Variants in RNPC3 observed in about 807,000 individuals in gnomAD.
RNPC3 encodes RNA-binding region-containing protein 3.
In RNPC3, 48 loss-of-function variants were observed where a neutral mutation model predicts 67.5. That is an observed-to-expected ratio of 0.71 (90% CI 0.56 to 0.90). RNPC3 has a LOEUF of 0.90. Ranked by LOEUF, RNPC3 falls within the 40% of genes least tolerant of loss-of-function variation. RNPC3 has a pLI of 0.00. For synonymous variants in RNPC3, 239 were observed against 210.3 expected (o/e 1.14, Z -1.18); for missense variants, 637 against 626.1 (o/e 1.02, Z -0.19).
chr1:103,544,043 A>G (rs931905885), intron 9 of RNPC3, among the ~76,000 whole-genome samples: 12 of 151,834 alleles, frequency 7.9e-5, no homozygotes, highest in African/African-American at 2.9e-4. Flanking sequence ...ATACAAGTTG[A>G]TAGAAATGTA....
chr1:103,549,155 A>G (rs1261977461), intron 12 of RNPC3, among the ~76,000 whole-genome samples: 2 of 152,198 alleles, frequency 1.3e-5, no homozygotes, highest in Non-Finnish European at 2.9e-5. Flanking sequence ...TGGAGTTAGA[A>G]TTTCATTCTT....
At chr1:103,537,231 T>TAAAA in intron 6 of RNPC3, 111 bp from the exon 7 acceptor site, 2 of 643,188 alleles carry the variant, frequency 3.1e-6, no homozygotes, top group Admixed American at 7.4e-5. Context: ...TAGAATGTGT[T>TAAAA]AAAAAAAAAA....
At chr1:103,550,289 G>T (rs143217868) in intron 12 of RNPC3, among the ~76,000 whole-genome samples, 76 of 151,836 alleles carry the variant, frequency 5.0e-4, no homozygotes, top group African/African-American at 1.8e-3. Context: ...AATCACTTGA[G>T]CAGATAGTGC....
chr1:103,549,749 G>GCTAT (rs1484770218), intron 12 of RNPC3, among the ~76,000 whole-genome samples: 5 of 152,150 alleles, frequency 3.3e-5, no homozygotes, highest in African/African-American at 1.2e-4. Context: ...TTAGATCTTA[G>GCTAT]CTATCTGCTT....
In RNPC3 at chr1:103,546,258, A is replaced by G. The variant is rs906488630; in HGVS notation, c.1218A>G (p.Thr406=). ...TTGTTTTTTAATAAGAAATGGAAAC[A>G]CTTTCAGTTTTCAGAAGTTATGAAC... ...KGRISREEME[T]LSVFRSYEPG... is the part of the protein sequence containing the mutation. Residue 406 remains threonine (T), a synonymous_variant, in exon 11 of 15, where the codon ACA becomes ACG. Transcript: ENST00000423855. 55 of 1,398,270 alleles carry G rather than the reference A, an allele frequency of 3.9e-5. 1 individual carries two copies. The East Asian group carries it at 1.4e-3, about 37-fold the overall frequency. The allele number at this position is 1,398,270 out of a possible 1,614,324, so 86.6% of individuals were successfully genotyped here.
In RNPC3 at chr1:103,526,197, A is replaced by G. The variant is rs1266656870; in HGVS notation, c.127A>G (p.Lys43Glu). 2 of 1,551,288 alleles carry G rather than the reference A, an allele frequency of 1.3e-6. No homozygotes were observed. The highest frequency in any genetic ancestry group is 2.0e-5 in the Admixed American group (1 of 50,936). ...HLPAELTAEE[K>E]EDLLKYFGAQ... ...GCCGGCTGAGCTTACTGCTGAGGAG[A>G]AAGAGGACTTGCTGAAGTACTTCGG... The change falls in exon 1 of 15, where the codon AAA becomes GAA. Residue 43 changes from lysine (K) to glutamate (E), a missense_variant. Coordinates refer to ENST00000423855, the MANE Select transcript of RNPC3 (RefSeq NM_017619.4).
intron 7 of RNPC3, among the ~76,000 whole-genome samples, chr1:103,539,510 C>G (rs1281058109): frequency 6.6e-6 from 1 of 152,194 alleles, no homozygotes; most frequent in Non-Finnish European, 1.5e-5. Context: ...CCTCTGTGAA[C>G]TTCACTTTCT....
At chr1:103,549,075 A>G (rs1245579644) in intron 12 of RNPC3, among the ~76,000 whole-genome samples, 3 of 152,300 alleles carry the variant, frequency 2.0e-5, no homozygotes, top group East Asian at 1.9e-4. Flanking sequence ...CCCATGACAC[A>G]TGGGAATTGT....
At position 103,543,446 on chromosome 1, in the gene RNPC3, T is replaced by A; in HGVS notation, c.1044T>A (p.His348Gln). 6.7e-7 allele frequency: 1 copy of A among 1,499,424 alleles called. No individual in the cohort carries two copies. Among genetic ancestry groups the A allele is most frequent in the Non-Finnish European group, 8.8e-7 (1 of 1,129,946 alleles). The allele number at this position is 1,499,424 out of a possible 1,614,324, so 92.9% of individuals were successfully genotyped here. A position where few individuals can be genotyped will look rare whatever the true frequency, so the allele number is the denominator to read the frequency against. Residue 348 changes from histidine to glutamine, a missense_variant and splice_region_variant, in exon 9 of 15, where the codon CAT becomes CAA. By Grantham distance (24) the His-to-Gln change is conservative (BLOSUM62 0). Coordinates refer to ENST00000423855, the MANE Select transcript of RNPC3 (RefSeq NM_017619.4). ...EKEQNCEEKNHDLPATEVDAS... is the reference protein window; with the variant it reads ...EKEQNCEEKNQDLPATEVDAS... The stretch of plus-strand genomic sequence containing the variant: ...AACAAAATTGTGAGGAAAAAAATCA[T>A]GGTAAGGATATTCTAGTTATTTCAC...
chr1:103,540,316 C>G (rs1218867274), intron 7 of RNPC3, among the ~76,000 whole-genome samples: 1 of 152,150 alleles, frequency 6.6e-6, no homozygotes, highest in Non-Finnish European at 1.5e-5. Flanking sequence ...TGTGTCTCAT[C>G]CCCAAGAGAT....
intron 1 of RNPC3, among the ~76,000 whole-genome samples, chr1:103,527,087 A>C (rs2101040476): frequency 6.6e-6 from 1 of 152,280 alleles, no homozygotes; most frequent in Non-Finnish European, 1.5e-5. Flanking sequence ...ATTAGACAAA[A>C]TTAGAATGTG....
At chr1:103,527,127 A>G (rs1650739120) in intron 1 of RNPC3, among the ~76,000 whole-genome samples, 1 of 152,200 alleles carries the variant, frequency 6.6e-6, no homozygotes, top group South Asian at 2.1e-4. Context: ...ACTTTTAATA[A>G]GCATTGACCA....
intron 10 of RNPC3, 99 bp downstream of exon 10, chr1:103,545,201 G>T (rs1651214812): frequency 3.2e-6 from 3 of 943,674 alleles, no homozygotes; most frequent in South Asian, 1.7e-5. Context: ...TTAATTTAAG[G>T]CACATACTTT....
At chr1:103,551,152 T>C in intron 13 of RNPC3, 79 bp downstream of exon 13, 1 of 1,292,384 alleles carries the variant, frequency 7.7e-7, no homozygotes, top group Middle Eastern at 2.3e-4. Flanking sequence ...ATGTTACCCT[T>C]TAGAAATTTC....
chr1:103,526,354 G>T, intron 1 of RNPC3, 92 bp downstream of exon 1: 1 of 1,058,282 alleles, frequency 9.4e-7, no homozygotes, highest in East Asian at 2.7e-5. Context: ...GGAAACGAGT[G>T]GGGAAGATGG....
intron 8 of RNPC3, among the ~76,000 whole-genome samples, chr1:103,542,507 ACTTTAT>A (rs1651145305): frequency 6.6e-6 from 1 of 151,962 alleles, no homozygotes; most frequent in Non-Finnish European, 1.5e-5. Flanking sequence ...CTTTTGCACT[ACTTTAT>A]CTTGTAATAA....
intron 2 of RNPC3, 51 bp from the exon 3 acceptor site, chr1:103,533,688 A>T: frequency 1.0e-6 from 1 of 1,000,718 alleles, no homozygotes; most frequent in Non-Finnish European, 1.5e-6. Flanking sequence ...TCTCTAACGA[A>T]TCATTTTTGG....
chr1:103,546,018 AC>A (rs1198177783), intron 10 of RNPC3: 1 of 215,614 alleles, frequency 4.6e-6, no homozygotes, highest in Non-Finnish European at 9.0e-6. Flanking sequence ...GTATATTTAA[AC>A]CCATTTGTAA....
chr1:103,550,423 C>T (rs1010180386), intron 12 of RNPC3, among the ~76,000 whole-genome samples: 5 of 151,660 alleles, frequency 3.3e-5, no homozygotes, highest in Non-Finnish European at 5.9e-5. Flanking sequence ...CACGAGGTCA[C>T]GAGGTCAGGA....
Sources: allele counts gnomAD v4.1 joint callset (sites outside exome capture counted in the v4.1 genomes callset), GRCh38; gene constraint gnomAD v4.1.1; transcripts MANE v1.5; gene names NCBI Gene and HGNC (gene_info 2026-07-23, HGNC 2026-07-21).